Variants in ATP9A observed in about 807,000 individuals in gnomAD.
The protein encoded by ATP9A is ATPase phospholipid transporting 9A.
A neutral mutation model predicts 144.1 loss-of-function variants in ATP9A; 52 were observed. The observed-to-expected ratio is 0.36, with a 90% CI of 0.29 to 0.45. The LOEUF is 0.45. Among genes scored for constraint, ATP9A ranks in the 20% least tolerant of loss-of-function variants. ATP9A has a pLI of 1.00. For synonymous variants in ATP9A, 582 were observed against 557.4 expected, an observed-to-expected ratio of 1.04 and a Z score of -0.62; for missense variants, 947 against 1,392.7, an observed-to-expected ratio of 0.68 and a Z score of 5.09.
At chr20:51,686,874 G>A (rs1057178830) in intron 9 of ATP9A, among the ~76,000 whole-genome samples, 17 of 151,790 alleles carry the variant, frequency 1.1e-4, no homozygotes, top group African/African-American at 3.9e-4. Flanking sequence ...GGCGGAGGTT[G>A]CAGCGAGCCA....
intron 9 of ATP9A, among the ~76,000 whole-genome samples, chr20:51,680,641 T>C (rs1302847959): frequency 1.3e-5 from 2 of 152,020 alleles, no homozygotes; most frequent in African/African-American, 4.8e-5. Flanking sequence ...TTCCAACAGA[T>C]AATAGCAGAC....
At chr20:51,716,902 CG>C (rs781566697) in intron 3 of ATP9A, among the ~76,000 whole-genome samples, 24 of 151,954 alleles carry the variant, frequency 1.6e-4, no homozygotes, top group Non-Finnish European at 3.2e-4. Context: ...AGTCAGCTGT[CG>C]TGGCTCACAC....
At chr20:51,635,563 C>T (rs1376735333) in intron 15 of ATP9A, among the ~76,000 whole-genome samples, 1 of 151,784 alleles carries the variant, frequency 6.6e-6, no homozygotes, top group Non-Finnish European at 1.5e-5. Flanking sequence ...TATGGTGAGA[C>T]CCTATCTTCA....
rs34692104 is a variant in ATP9A, at chr20:51,684,695, CAA to C, written c.799+4367_799+4368del. 4.2e-3 allele frequency among the ~76,000 whole-genome samples: 394 copies of C among 94,542 alleles called. 1 individual carries two copies. Among genetic ancestry groups the C allele is most frequent in the African/African-American group, 0.013 (302 of 23,174 alleles). 62.0% of individuals were successfully genotyped at this position (94,542 alleles called of 152,430 possible). On this transcript the variant is annotated intron_variant, in intron 9 of 27. Transcript: ENST00000338821. ...TGGGTGAAACAGTGAGACTCTGTCTCAAAAAAAAAAAAAAAAAAGGAAAGAAA... is the reference window on the plus strand; with the variant it reads ...TGGGTGAAACAGTGAGACTCTGTCTCAAAAAAAAAAAAAAAAGGAAAGAAA...
At chr20:51,627,517 G>A (rs1204521153) in intron 17 of ATP9A, 83 bp downstream of exon 17, 9 of 1,258,850 alleles carry the variant, frequency 7.1e-6, no homozygotes, top group African/African-American at 5.9e-5. Flanking sequence ...AGAATGGCTC[G>A]CATAGGATGA....
At chr20:51,750,130 T>C (rs2077825092) in intron 1 of ATP9A, among the ~76,000 whole-genome samples, 1 of 152,152 alleles carries the variant, frequency 6.6e-6, no homozygotes, top group African/African-American at 2.4e-5. Context: ...CACTCCAGCC[T>C]GGGTGACAAA....
chr20:51,728,565 T>A (rs2077725940), intron 2 of ATP9A, among the ~76,000 whole-genome samples: 1 of 149,864 alleles, frequency 6.7e-6, no homozygotes, highest in Non-Finnish European at 1.5e-5. Context: ...GAGGCGGAGG[T>A]TGCAGTGAGC....
At chr20:51,606,370 C>T (rs916264265) in intron 26 of ATP9A, among the ~76,000 whole-genome samples, 21 of 152,028 alleles carry the variant, frequency 1.4e-4, no homozygotes, top group African/African-American at 5.1e-4. Flanking sequence ...ATTATATGTA[C>T]TACAAAACAT....
chr20:51,628,327 G>A lies in ATP9A; in HGVS notation c.1762-644C>T, dbSNP rs566856085. The stretch of plus-strand genomic sequence containing the variant: ...GCCAACTGTCCACGTCACAAACTGG[G>A]TTGTGCAGCCTCTGATGTGGCCCCT... On this transcript the variant is annotated intron_variant, in intron 16 of 27. Transcript: ENST00000338821. 1.8e-3 allele frequency among the ~76,000 whole-genome samples: 281 copies of A among 152,280 alleles called. 2 individuals carry two copies. The highest frequency in any genetic ancestry group is 0.01 in the Middle Eastern group (3 of 294).
chr20:51,617,710 G>C (rs2077208991), intron 21 of ATP9A, among the ~76,000 whole-genome samples, 156 bp from the exon 22 acceptor site: 1 of 152,186 alleles, frequency 6.6e-6, no homozygotes, highest in African/African-American at 2.4e-5. Context: ...TGACTACCAA[G>C]ATCCTGTTTC....
chr20:51,712,378 T>C (rs76498347), intron 4 of ATP9A, among the ~76,000 whole-genome samples: 6,197 of 152,158 alleles, frequency 0.041, 205 homozygotes, highest in Non-Finnish European at 0.058. Flanking sequence ...TGGGCCAAAA[T>C]TTCAATTTTT....
chr20:51,731,337 A>C (rs2122876297), intron 1 of ATP9A, among the ~76,000 whole-genome samples: 1 of 152,154 alleles, frequency 6.6e-6, no homozygotes, highest in Admixed American at 6.5e-5. Context: ...AATTTTTTAA[A>C]GGTAGGCTTT....
At chr20:51,691,827 G>A (rs6013257) in intron 7 of ATP9A, among the ~76,000 whole-genome samples, 88,292 of 152,124 alleles carry the variant, frequency 0.58, 26,323 homozygotes, top group Middle Eastern at 0.65. Context: ...ACAATAGCCA[G>A]GAAGTGGAAG....
intron 1 of ATP9A, among the ~76,000 whole-genome samples, chr20:51,763,096 C>A (rs923018868): frequency 6.6e-6 from 1 of 151,990 alleles, no homozygotes; most frequent in Non-Finnish European, 1.5e-5. Flanking sequence ...AAAGGCAACA[C>A]GTGGTGTGAT....
chr20:51,720,113 T>C (rs2077682415), intron 3 of ATP9A, among the ~76,000 whole-genome samples: 1 of 152,158 alleles, frequency 6.6e-6, no homozygotes, highest in Admixed American at 6.6e-5. Flanking sequence ...CATAAGCAAC[T>C]CTGGAGGGAA....
At chr20:51,675,255 G>A (rs1447722162) in intron 10 of ATP9A, among the ~76,000 whole-genome samples, 1 of 152,168 alleles carries the variant, frequency 6.6e-6, no homozygotes, top group Admixed American at 6.5e-5. Flanking sequence ...TTGTAATGAT[G>A]GCTGTAACGT....
intron 1 of ATP9A, among the ~76,000 whole-genome samples, chr20:51,736,492 A>ATTT (rs60253299): frequency 5.6e-5 from 8 of 143,630 alleles, no homozygotes; most frequent in Middle Eastern, 3.6e-3. Context: ...AGTTACTCTT[A>ATTT]TTTTTTTTTT....
chr20:51,623,618 T>C (rs1179880979), intron 18 of ATP9A, among the ~76,000 whole-genome samples: 1 of 151,928 alleles, frequency 6.6e-6, no homozygotes, highest in Non-Finnish European at 1.5e-5. Flanking sequence ...CCATCTCTAC[T>C]AAATATCTAA....
chr20:51,671,158 A>G lies in ATP9A; in HGVS notation c.1137T>C (p.Pro379=), dbSNP rs1568813432. The G allele has an allele frequency of 6.2e-7, 1 of 1,614,156 alleles. No individual in the cohort carries two copies. Among genetic ancestry groups the G allele is most frequent in the Non-Finnish European group, 8.5e-7 (1 of 1,180,004 alleles). Residue 379 remains proline, a synonymous_variant, in exon 12 of 28, where the codon CCT becomes CCC. Coordinates refer to ENST00000338821, the MANE Select transcript of ATP9A (RefSeq NM_006045.3). ...AGTACGAAATCCTGCCCAGCTGCTC[A>G]GGAATCGTGCTGGAGCGAACCACGG... The part of the protein sequence containing the change: ...PGTVVRSSTI[P]EQLGRISYLL...
Sources: allele counts gnomAD v4.1 joint callset (sites outside exome capture counted in the v4.1 genomes callset), GRCh38; gene constraint gnomAD v4.1.1; transcripts MANE v1.5; gene names NCBI Gene and HGNC (gene_info 2026-07-23, HGNC 2026-07-21).